Variants in KAZN observed in about 807,000 individuals in gnomAD.
KAZN encodes kazrin, periplakin interacting protein.
KAZN carries 40 observed loss-of-function variants against 87.4 expected under a neutral mutation model. The observed-to-expected ratio is 0.46, with a 90% CI of 0.36 to 0.60. The LOEUF (loss-of-function observed/expected upper bound fraction) is 0.60, where lower values mean the gene tolerates loss of function less well. Among genes scored for constraint, KAZN ranks in the 20% least tolerant of loss-of-function variants. KAZN has a pLI of 0.00. For synonymous variants in KAZN, 466 were observed against 458.3 expected (o/e 1.02, Z -0.22); for missense variants, 898 against 1,073.9 (o/e 0.84, Z 2.29).
intron 1 of KAZN, among the ~76,000 whole-genome samples, chr1:14,912,591 G>A (rs2101402808): frequency 6.6e-6 from 1 of 152,238 alleles, no homozygotes; most frequent in East Asian, 1.9e-4. Flanking sequence ...ATGTTGCCCA[G>A]GCTGGTCTCC....
At position 14,302,306 on chromosome 1, in the gene KAZN, C is replaced by T. The variant is rs1373938063; in HGVS notation, c.249+121714C>T. On this transcript the variant is annotated intron_variant, in intron 2 of 16. Coordinates refer to the KAZN transcript ENST00000636203. ...AAGTTGTCACTTTTTCTCAAATCAA[C>T]GCAGAACATAATGTGGAAGCAGGTA... is the stretch of plus-strand genomic sequence containing the variant. Among the ~76,000 whole-genome samples, 9 of 152,270 alleles carry T rather than the reference C, an allele frequency of 5.9e-5. No individual in the cohort carries two copies. In the South Asian group the frequency reaches 6.2e-4, roughly 11 times the overall value.
At chr1:14,612,905 A>G (rs773390777) in intron 1 of KAZN, among the ~76,000 whole-genome samples, 20 of 152,316 alleles carry the variant, frequency 1.3e-4, no homozygotes, top group Non-Finnish European at 2.8e-4. Context: ...ACTCTTGGTT[A>G]TTAATAGTGC....
At chr1:14,706,273 A>C (rs1297863729) in intron 1 of KAZN, among the ~76,000 whole-genome samples, 1 of 152,064 alleles carries the variant, frequency 6.6e-6, no homozygotes, top group Non-Finnish European at 1.5e-5. Context: ...TTACAATATA[A>C]TAATAATAAA....
chr1:14,045,644 G>A (rs1485382387), intron 1 of KAZN, among the ~76,000 whole-genome samples: 2 of 152,170 alleles, frequency 1.3e-5, no homozygotes, highest in African/African-American at 2.4e-5. Flanking sequence ...GGTGGGGTGT[G>A]TATATGTGTG....
intron 1 of KAZN, among the ~76,000 whole-genome samples, chr1:14,886,691 T>C (rs544616839): frequency 6.6e-6 from 1 of 152,218 alleles, no homozygotes; most frequent in East Asian, 1.9e-4. Flanking sequence ...CTCCGGAGGC[T>C]GAGGCGGGAG....
intron 2 of KAZN, among the ~76,000 whole-genome samples, chr1:14,208,390 ACT>A (rs958469884): frequency 2.0e-5 from 3 of 152,152 alleles, no homozygotes; most frequent in Non-Finnish European, 4.4e-5. Flanking sequence ...CTAAATATTA[ACT>A]CTCATTCATT....
intron 1 of KAZN, among the ~76,000 whole-genome samples, chr1:14,857,751 G>C (rs954152405): frequency 6.6e-6 from 1 of 152,126 alleles, no homozygotes; most frequent in African/African-American, 2.4e-5. Context: ...TTAATTCAGA[G>C]TCTAGCCCAC....
At chr1:13,926,114 C>T (rs146486450) in intron 1 of KAZN, among the ~76,000 whole-genome samples, 2 of 152,242 alleles carry the variant, frequency 1.3e-5, no homozygotes, top group African/African-American at 2.4e-5. Context: ...TGAGTCTTCA[C>T]TAATGAGTCA....
At chr1:14,018,908 T>C (rs1306056225) in intron 1 of KAZN, among the ~76,000 whole-genome samples, 1 of 152,124 alleles carries the variant, frequency 6.6e-6, no homozygotes. Flanking sequence ...CATCCCACAC[T>C]CCAGCTTGCA....
At chr1:14,601,431 G>A (rs1676971533) in intron 1 of KAZN, among the ~76,000 whole-genome samples, 1 of 151,606 alleles carries the variant, frequency 6.6e-6, no homozygotes, top group African/African-American at 2.4e-5. Flanking sequence ...CTGTAAGTTT[G>A]GGGGATTTTT....
intron 1 of KAZN, among the ~76,000 whole-genome samples, chr1:14,704,124 C>T (rs976368464): frequency 6.6e-6 from 1 of 152,174 alleles, no homozygotes; most frequent in African/African-American, 2.4e-5. Flanking sequence ...GTCCCTCTAC[C>T]TCCCCTGGGA....
At chr1:14,383,492 A>G (rs962238146) in intron 2 of KAZN, among the ~76,000 whole-genome samples, 3 of 151,754 alleles carry the variant, frequency 2.0e-5, no homozygotes, top group African/African-American at 7.3e-5. Context: ...TGATTTTTGT[A>G]TAAGGTGTAA....
intron 1 of KAZN, among the ~76,000 whole-genome samples, chr1:14,162,337 T>G (rs1410091666): frequency 6.6e-6 from 1 of 152,134 alleles, no homozygotes; most frequent in African/African-American, 2.4e-5. Flanking sequence ...TGGAGTATAC[T>G]CCATTAGAGA....
At chr1:15,069,634 TA>T (rs1480699412) in intron 8 of KAZN, among the ~76,000 whole-genome samples, 1 of 152,150 alleles carries the variant, frequency 6.6e-6, no homozygotes, top group African/African-American at 2.4e-5. Context: ...CTCAAAAAAA[TA>T]AATAAATATT....
chr1:14,295,851 C>T (rs1654071429), intron 2 of KAZN, among the ~76,000 whole-genome samples: 1 of 152,142 alleles, frequency 6.6e-6, no homozygotes, highest in African/African-American at 2.4e-5. Flanking sequence ...TTATACACTC[C>T]TTAGCTAGAT....
At chr1:14,518,001 G>A (rs571187091) in intron 2 of KAZN, among the ~76,000 whole-genome samples, 4 of 152,118 alleles carry the variant, frequency 2.6e-5, no homozygotes, top group Admixed American at 2.6e-4. Flanking sequence ...TGAGTGATGG[G>A]TGTTTTACAC....
At chr1:15,093,495 T>C (rs1049260378) in intron 8 of KAZN, among the ~76,000 whole-genome samples, 2 of 151,802 alleles carry the variant, frequency 1.3e-5, no homozygotes, top group African/African-American at 4.8e-5. Context: ...CACAGTTTCA[T>C]GTAAGAGGGG....
intron 5 of KAZN, among the ~76,000 whole-genome samples, chr1:15,057,768 C>T (rs1638423164): frequency 6.6e-6 from 1 of 152,262 alleles, no homozygotes; most frequent in Non-Finnish European, 1.5e-5. Context: ...AGCCAGCTGT[C>T]CTGGCTTTGG....
chr1:14,018,635 G>T (rs1477053561), intron 1 of KAZN, among the ~76,000 whole-genome samples: 4 of 152,104 alleles, frequency 2.6e-5, no homozygotes, highest in Non-Finnish European at 4.4e-5. Flanking sequence ...TGTCTTCCAT[G>T]TGTACAGACA....
Sources: allele counts gnomAD v4.1 joint callset (sites outside exome capture counted in the v4.1 genomes callset), GRCh38; gene constraint gnomAD v4.1.1; transcripts MANE v1.5; gene names NCBI Gene and HGNC (gene_info 2026-07-23, HGNC 2026-07-21).